The following OTUD7A variants were observed in gnomAD, a reference collection of about 807,000 sequenced individuals.
OTUD7A encodes the protein OTU deubiquitinase 7A.
Under a neutral mutation model 65.7 loss-of-function variants are expected in OTUD7A, and 12 were observed. That is an observed-to-expected ratio of 0.18 (90% CI 0.12 to 0.30). The LOEUF (loss-of-function observed/expected upper bound fraction) is 0.30, where lower values mean the gene tolerates loss of function less well. Ranked by LOEUF, OTUD7A falls within the 10% of genes least tolerant of loss-of-function variation. The pLI, the probability that OTUD7A is intolerant of heterozygous loss-of-function variation, is 1.00. For synonymous variants in OTUD7A, 641 were observed against 586.3 expected (o/e 1.09, Z -1.35); for missense variants, 1,148 against 1,304.8 (o/e 0.88, Z 1.85).
At chr15:31,780,576 G>C (rs949234755) in intron 1 of OTUD7A, among the ~76,000 whole-genome samples, 1 of 152,094 alleles carries the variant, frequency 6.6e-6, no homozygotes, top group African/African-American at 2.4e-5. Flanking sequence ...ACCACCACCT[G>C]GGAAAGACAC....
Position 31,559,063 on chromosome 15 carries a change from C to A in OTUD7A, c.456G>T (p.Gln152His), listed in dbSNP as rs761969507. Residue 152 changes from glutamine (Q) to histidine (H), a missense_variant, in exon 5 of 13, where the codon CAG becomes CAT. Gln to His is a conservative substitution (Grantham distance 24, BLOSUM62 0). Transcript: ENST00000307050. The part of the protein sequence containing the change: ...FPLEMPIYTF[Q>H]LPDLSVYSED... ...CGCTGTACACGCTCAGGTCTGGCAACTGGAATGTGTAGATTGGCATCTCCA... is the reference window on the plus strand; with the variant it reads ...CGCTGTACACGCTCAGGTCTGGCAAATGGAATGTGTAGATTGGCATCTCCA... 6.2e-7 allele frequency: 1 copy of A among 1,614,222 alleles called. No individual in the cohort carries two copies. Among genetic ancestry groups the A allele is most frequent in the South Asian group, 1.1e-5 (1 of 91,084 alleles).
rs554031737 is a variant in OTUD7A, at chr15:31,479,789, T to C, written c.*3505A>G. 6.6e-6 allele frequency: 1 copy of C among 152,248 alleles called. No homozygotes were observed. Among genetic ancestry groups the C allele is most frequent in the East Asian group, 1.9e-4 (1 of 5,172 alleles). The allele number at this position is 152,248 out of a possible 1,614,324, so 9.4% of individuals were successfully genotyped here. On this transcript the variant is annotated 3_prime_UTR_variant, in exon 13 of 13. Transcript: ENST00000307050. ...GTCCTTTTATCTTCAGCACCCCCAA[T>C]TCTTGACAGTAAGCTACGAGAAGTA...
chr15:31,786,573 G>A (rs1451317828), intron 1 of OTUD7A, among the ~76,000 whole-genome samples: 1 of 152,170 alleles, frequency 6.6e-6, no homozygotes, highest in African/African-American at 2.4e-5. Flanking sequence ...GTGTGGTGCT[G>A]TGGGATGTGT....
At chr15:31,648,022 C>T (rs1456711586) in intron 3 of OTUD7A, among the ~76,000 whole-genome samples, 1 of 151,928 alleles carries the variant, frequency 6.6e-6, no homozygotes, top group South Asian at 2.1e-4. Context: ...GGCTGGAGTA[C>T]CAGGTGGAGA....
chr15:31,640,278 T>C (rs1245906621), intron 3 of OTUD7A, among the ~76,000 whole-genome samples: 1 of 152,118 alleles, frequency 6.6e-6, no homozygotes, highest in African/African-American at 2.4e-5. Flanking sequence ...GACTCAGGGA[T>C]AAAAGACTAC....
intron 3 of OTUD7A, among the ~76,000 whole-genome samples, chr15:31,625,223 C>T (rs1238946759): frequency 6.6e-6 from 1 of 152,088 alleles, no homozygotes; most frequent in African/African-American, 2.4e-5. Context: ...TCCTGCAGCC[C>T]CAGCTAGACT....
chr15:31,560,572 T>C (rs1021708299), intron 4 of OTUD7A, among the ~76,000 whole-genome samples: 1 of 152,264 alleles, frequency 6.6e-6, no homozygotes, highest in Non-Finnish European at 1.5e-5. Flanking sequence ...TAGGTTATCT[T>C]TTCTCATAGT....
At chr15:31,624,386 G>A (rs1420999306) in intron 3 of OTUD7A, among the ~76,000 whole-genome samples, 3 of 152,196 alleles carry the variant, frequency 2.0e-5, no homozygotes, top group Non-Finnish European at 4.4e-5. Flanking sequence ...ACCATGACTA[G>A]TTAGGCAGAG....
chr15:31,827,066 G>A (rs1349572301), intron 1 of OTUD7A, among the ~76,000 whole-genome samples: 1 of 152,240 alleles, frequency 6.6e-6, no homozygotes, highest in South Asian at 2.1e-4. Flanking sequence ...ACCCCTGCCT[G>A]TTACCCAGTT....
rs1014239093 is a variant in OTUD7A at position 31,475,660 on chromosome 15, G to A, written c.*7634C>T. 6.6e-5 allele frequency: 10 copies of A among 152,220 alleles called. No homozygotes were observed. The highest frequency in any genetic ancestry group is 1.0e-4 in the Non-Finnish European group (7 of 68,036). The allele number at this position is 152,220 out of a possible 1,614,324, so 9.4% of individuals were successfully genotyped here. ...TTTACAAAGTAATATCCCAACCACA[G>A]AAGACAGCTCTTACAATGGGTTTCT... On this transcript the variant is annotated 3_prime_UTR_variant, in exon 13 of 13. Transcript: ENST00000307050.
intron 1 of OTUD7A, among the ~76,000 whole-genome samples, chr15:31,694,144 C>T (rs927825335): frequency 3.9e-5 from 6 of 152,136 alleles, no homozygotes; most frequent in Non-Finnish European, 7.4e-5. Flanking sequence ...CCCAGAGTGG[C>T]GCTCAGAAGC....
intron 1 of OTUD7A, among the ~76,000 whole-genome samples, chr15:31,736,344 G>C (rs1298504805): frequency 6.6e-6 from 1 of 152,138 alleles, no homozygotes; most frequent in African/African-American, 2.4e-5. Flanking sequence ...TACAGAAGCT[G>C]GGTGATGGGT....
intron 3 of OTUD7A, among the ~76,000 whole-genome samples, chr15:31,647,885 G>C (rs1040715332): frequency 6.6e-6 from 1 of 151,792 alleles, no homozygotes; most frequent in Non-Finnish European, 1.5e-5. Context: ...GTGTGTGCAG[G>C]GGGAGGAGCA....
chr15:31,867,650 C>T (rs1301766541), intron 1 of OTUD7A, among the ~76,000 whole-genome samples: 1 of 152,150 alleles, frequency 6.6e-6, no homozygotes, highest in Non-Finnish European at 1.5e-5. Context: ...ACGCCATGAC[C>T]AGGACACCAG....
At chr15:31,756,532 G>A (rs1019902712) in intron 1 of OTUD7A, among the ~76,000 whole-genome samples, 4 of 151,936 alleles carry the variant, frequency 2.6e-5, no homozygotes, top group Non-Finnish European at 4.4e-5. Flanking sequence ...ATCCCCCAAA[G>A]CTAACATGGC....
At chr15:31,761,536 A>T (rs1894963222) in intron 1 of OTUD7A, among the ~76,000 whole-genome samples, 1 of 152,216 alleles carries the variant, frequency 6.6e-6, no homozygotes, top group Non-Finnish European at 1.5e-5. Context: ...GTGTTGACAA[A>T]GATGTGGAGA....
At chr15:31,622,555 T>C (rs1356622920) in intron 3 of OTUD7A, among the ~76,000 whole-genome samples, 2 of 152,246 alleles carry the variant, frequency 1.3e-5, no homozygotes, top group Non-Finnish European at 2.9e-5. Context: ...GTTGATGGAA[T>C]TGGCTACTGA....
intron 1 of OTUD7A, among the ~76,000 whole-genome samples, chr15:31,822,839 G>A (rs1019947703): frequency 2.6e-5 from 4 of 152,192 alleles, no homozygotes; most frequent in African/African-American, 9.6e-5. Flanking sequence ...CCTCAAAGTG[G>A]AGGGGAAGGC....
At chr15:31,509,771 TA>T (rs1353408233) in intron 8 of OTUD7A, among the ~76,000 whole-genome samples, 1 of 131,616 alleles carries the variant, frequency 7.6e-6, no homozygotes, top group East Asian at 2.2e-4. Flanking sequence ...ATTTTTTGCA[TA>T]AATTTTTTTT....
Sources: gnomAD v4.1 joint callset for allele counts (sites outside exome capture counted in the v4.1 genomes callset) on GRCh38, gnomAD v4.1.1 for gene constraint, MANE v1.5 for transcripts, NCBI Gene and HGNC (gene_info 2026-07-23, HGNC 2026-07-21) for gene names.